Variants in LRRTM4 observed in about 807,000 individuals in gnomAD.
The protein encoded by LRRTM4 is leucine-rich repeat transmembrane neuronal protein 4.
LRRTM4 carries 25 observed loss-of-function variants against 47.6 expected under a neutral mutation model. The ratio of observed to expected loss-of-function variants is 0.53; its 90% CI spans 0.38 to 0.73. The LOEUF (loss-of-function observed/expected upper bound fraction) is 0.73, where lower values mean the gene tolerates loss of function less well. LRRTM4 is among the 30% of genes least tolerant of loss of function. LRRTM4 has a pLI of 0.00. For missense variants in LRRTM4, 638 were observed against 713.4 expected, an observed-to-expected ratio of 0.89 and a Z score of 1.20; for synonymous variants, 311 against 269.5, an observed-to-expected ratio of 1.15 and a Z score of -1.51.
intron 3 of LRRTM4, among the ~76,000 whole-genome samples, chr2:76,961,964 A>G (rs1675875294): frequency 6.6e-6 from 1 of 151,264 alleles, no homozygotes; most frequent in Non-Finnish European, 1.5e-5. Flanking sequence ...CCCTTTATGA[A>G]TATAGTATTT....
rs116001440 is a variant in LRRTM4, at chr2:77,330,185, G to T, written c.1551+188133C>A. On this transcript the variant is annotated intron_variant, in intron 3 of 3. Transcript: ENST00000409884. ...AATGTCACTTGAAGAGGAGTAATCTGGGGGGGCAGGACTGTAGGTGGGGAG... is the reference window on the plus strand; with the variant it reads ...AATGTCACTTGAAGAGGAGTAATCTTGGGGGGCAGGACTGTAGGTGGGGAG... Among the ~76,000 whole-genome samples, 2 of 152,092 alleles carry T rather than the reference G, an allele frequency of 1.3e-5. 1 individual carries two copies. The highest frequency in any genetic ancestry group is 4.2e-4 in the South Asian group (2 of 4,816).
intron 3 of LRRTM4, among the ~76,000 whole-genome samples, chr2:76,792,971 G>C (rs1425426895): frequency 1.3e-5 from 2 of 152,094 alleles, no homozygotes; most frequent in African/African-American, 4.8e-5. Context: ...CTGTTACTTT[G>C]TCTTGATGGA....
chr2:76,757,187 C>T (rs746535264), intron 3 of LRRTM4, among the ~76,000 whole-genome samples: 2 of 152,042 alleles, frequency 1.3e-5, no homozygotes, highest in Admixed American at 6.6e-5. Flanking sequence ...GCTTTTTACA[C>T]TGATTGGACT....
chr2:77,488,255 G>T (rs1678003947), intron 3 of LRRTM4, among the ~76,000 whole-genome samples: 1 of 152,156 alleles, frequency 6.6e-6, no homozygotes, highest in Admixed American at 6.5e-5. Context: ...GCCACTTGCG[G>T]TACATCTGGT....
intron 3 of LRRTM4, among the ~76,000 whole-genome samples, chr2:77,093,957 C>T (rs1030032120): frequency 3.3e-5 from 5 of 150,374 alleles, no homozygotes; most frequent in South Asian, 2.1e-4. Flanking sequence ...GCTTTGACTG[C>T]AATTTTCCTT....
chr2:77,029,114 T>A (rs1428939950), intron 3 of LRRTM4, among the ~76,000 whole-genome samples: 1 of 147,600 alleles, frequency 6.8e-6, no homozygotes. Context: ...ATAAAATGAG[T>A]CACCTTTGCA....
intron 3 of LRRTM4, among the ~76,000 whole-genome samples, chr2:77,500,118 G>C (rs1292787596): frequency 6.6e-6 from 1 of 151,702 alleles, no homozygotes; most frequent in Non-Finnish European, 1.5e-5. Flanking sequence ...CTGCAGAAGA[G>C]TCTTCCTATC....
chr2:76,988,318 T>C (rs748931227), intron 3 of LRRTM4, among the ~76,000 whole-genome samples: 2 of 151,854 alleles, frequency 1.3e-5, no homozygotes, highest in Non-Finnish European at 2.9e-5. Context: ...TACATGTCCG[T>C]GGTAGGCCAG....
At chr2:76,892,220 T>C (rs17013296) in intron 3 of LRRTM4, among the ~76,000 whole-genome samples, 46,260 of 151,296 alleles carry the variant, frequency 0.31, 7,547 homozygotes, top group East Asian at 0.59. Context: ...TAAAACTTTC[T>C]TAGGACAGTT....
chr2:77,477,120 T>G (rs13426280), intron 3 of LRRTM4, among the ~76,000 whole-genome samples: 49,879 of 151,686 alleles, frequency 0.33, 8,399 homozygotes, highest in Middle Eastern at 0.36. Flanking sequence ...AAGAGAGAGA[T>G]AGGAAGACAG....
chr2:77,199,840 G>T (rs960475099), intron 3 of LRRTM4, among the ~76,000 whole-genome samples: 2 of 151,978 alleles, frequency 1.3e-5, no homozygotes, highest in Non-Finnish European at 2.9e-5. Flanking sequence ...CAAGATAAAT[G>T]GAAGTGTCAC....
At chr2:76,911,999 AC>A (rs1287285048) in intron 3 of LRRTM4, among the ~76,000 whole-genome samples, 2 of 140,736 alleles carry the variant, frequency 1.4e-5, no homozygotes, top group African/African-American at 5.3e-5. Flanking sequence ...GCCGATCTCC[AC>A]TCACTGCAAG....
At chr2:76,832,322 A>C (rs2103898964) in intron 3 of LRRTM4, among the ~76,000 whole-genome samples, 1 of 152,156 alleles carries the variant, frequency 6.6e-6, no homozygotes, top group South Asian at 2.1e-4. Flanking sequence ...ATTCAGATTG[A>C]TTAAAAGATC....
chr2:76,799,120 A>T (rs1441208082), intron 3 of LRRTM4, among the ~76,000 whole-genome samples: 8 of 146,104 alleles, frequency 5.5e-5, no homozygotes, highest in Non-Finnish European at 1.0e-4. Context: ...CATCATTCTG[A>T]TACCAAAGCC....
chr2:76,771,971 A>G (rs1355382075), intron 3 of LRRTM4, among the ~76,000 whole-genome samples: 1 of 152,190 alleles, frequency 6.6e-6, no homozygotes, highest in Non-Finnish European at 1.5e-5. Flanking sequence ...ACATCAAAAC[A>G]TAGGGAGTAG....
At chr2:77,414,063 CT>C (rs1411115735) in intron 3 of LRRTM4, among the ~76,000 whole-genome samples, 1 of 152,202 alleles carries the variant, frequency 6.6e-6, no homozygotes, top group Non-Finnish European at 1.5e-5. Flanking sequence ...TGAGGTTATA[CT>C]GTTACCTCAA....
intron 3 of LRRTM4, among the ~76,000 whole-genome samples, chr2:76,970,156 T>G (rs1409987113): frequency 6.6e-6 from 1 of 152,024 alleles, no homozygotes; most frequent in Non-Finnish European, 1.5e-5. Flanking sequence ...CCATGATATG[T>G]AAAATGGTTC....
At chr2:76,795,874 C>A (rs746876831) in intron 3 of LRRTM4, among the ~76,000 whole-genome samples, 1 of 152,022 alleles carries the variant, frequency 6.6e-6, no homozygotes, top group Non-Finnish European at 1.5e-5. Context: ...ACGCAGAAGA[C>A]GGGTGATTTC....
chr2:77,518,625 TGCTCTGC>T lies in LRRTM4; in HGVS notation c.1237_1243del (p.Ala413LysfsTer24). 6.2e-7 allele frequency: 1 copy of T among 1,613,442 alleles called. No individual in the cohort carries two copies. Among genetic ancestry groups the T allele is most frequent in the Non-Finnish European group, 8.5e-7 (1 of 1,179,616 alleles). On this transcript the variant is annotated frameshift_variant, in exon 3 of 4. Transcript: ENST00000409884. LOFTEE classifies it high-confidence loss of function. ...GTGAAATGAAACATGCTCATACTCT[TGCTCTGC>T]GCCAGGAATCTGAAACCCTGGGGAA...
Sources: gnomAD v4.1 joint callset for allele counts (sites outside exome capture counted in the v4.1 genomes callset) on GRCh38, gnomAD v4.1.1 for gene constraint, MANE v1.5 for transcripts, NCBI Gene and HGNC (gene_info 2026-07-23, HGNC 2026-07-21) for gene names.